The following ITPKB variants were observed in gnomAD, a reference collection of about 807,000 sequenced individuals.
ITPKB encodes the protein inositol-trisphosphate 3-kinase B, also known as IP3 3-kinase B.
ITPKB carries 13 observed loss-of-function variants against 69.4 expected under a neutral mutation model. The observed-to-expected ratio is 0.19, with a 90% confidence interval of 0.12 to 0.30. The LOEUF (loss-of-function observed/expected upper bound fraction) is 0.30, where lower values mean the gene tolerates loss of function less well. Ranked by LOEUF, ITPKB falls within the 10% of genes least tolerant of loss-of-function variation. The probability of loss-of-function intolerance (pLI) is 1.00; values close to 1 mark genes in which losing one functional copy is unlikely to be tolerated. For synonymous variants in ITPKB, 584 were observed against 513.7 expected, an observed-to-expected ratio of 1.14 and a Z score of -1.85; for missense variants, 1,240 against 1,250.5, an observed-to-expected ratio of 0.99 and a Z score of 0.13.
intron 2 of ITPKB, among the ~76,000 whole-genome samples, chr1:226,667,725 G>T (rs1468568204): frequency 6.6e-6 from 1 of 152,142 alleles, no homozygotes; most frequent in Non-Finnish European, 1.5e-5. Flanking sequence ...GAATTCAGAA[G>T]AGGAAGCTAT....
chr1:226,719,828 G>A (rs116002517), intron 2 of ITPKB, among the ~76,000 whole-genome samples: 1 of 152,324 alleles, frequency 6.6e-6, no homozygotes, highest in African/African-American at 2.4e-5. Context: ...TCCATGCTCT[G>A]TATCTGCTGA....
At chr1:226,648,381 G>A (rs1034510868) in intron 3 of ITPKB, among the ~76,000 whole-genome samples, 13 of 152,198 alleles carry the variant, frequency 8.5e-5, no homozygotes, top group African/African-American at 3.1e-4. Context: ...ACAACGGGAA[G>A]AGAGACAGAA....
chr1:226,726,460 T>C (rs1558098112), intron 2 of ITPKB, among the ~76,000 whole-genome samples: 1 of 152,134 alleles, frequency 6.6e-6, no homozygotes, highest in Non-Finnish European at 1.5e-5. Flanking sequence ...AAGGATCGCT[T>C]GAGCTCAGGA....
At chr1:226,720,929 C>G (rs1657221865) in intron 2 of ITPKB, among the ~76,000 whole-genome samples, 2 of 152,008 alleles carry the variant, frequency 1.3e-5, no homozygotes, top group African/African-American at 4.8e-5. Flanking sequence ...GTAATCCCAG[C>G]TACTCAGGAG....
chr1:226,699,995 T>C (rs1656595131), intron 2 of ITPKB, among the ~76,000 whole-genome samples: 1 of 152,180 alleles, frequency 6.6e-6, no homozygotes, highest in Non-Finnish European at 1.5e-5. Context: ...GAGAAAGATG[T>C]AGGCTGGGAG....
intron 6 of ITPKB, among the ~76,000 whole-genome samples, chr1:226,639,072 T>TCC (rs1553316181): frequency 1.5e-5 from 2 of 134,466 alleles, no homozygotes; most frequent in Non-Finnish European, 3.5e-5. Flanking sequence ...TTTTTTTTTT[T>TCC]CCCAGACAGA....
intron 2 of ITPKB, among the ~76,000 whole-genome samples, chr1:226,713,464 C>T (rs1460217793): frequency 6.6e-6 from 1 of 152,222 alleles, no homozygotes; most frequent in Non-Finnish European, 1.5e-5. Flanking sequence ...GGACGGCGTC[C>T]TCCCCACAGG....
intron 4 of ITPKB, among the ~76,000 whole-genome samples, chr1:226,644,467 A>T (rs2102742985): frequency 6.6e-6 from 1 of 152,296 alleles, no homozygotes. Context: ...CAGAGCTCCT[A>T]GGTGCTAGGG....
intron 2 of ITPKB, among the ~76,000 whole-genome samples, chr1:226,733,909 A>T (rs1217116336): frequency 6.6e-6 from 1 of 152,218 alleles, no homozygotes; most frequent in Non-Finnish European, 1.5e-5. Context: ...CAGCCAATAG[A>T]AGTTGCTAAT....
chr1:226,648,114 G>T (rs1034458509), intron 3 of ITPKB, among the ~76,000 whole-genome samples: 32 of 152,048 alleles, frequency 2.1e-4, no homozygotes, highest in African/African-American at 7.0e-4. Flanking sequence ...GGCACTGCCT[G>T]GACTCAGCTC....
chr1:226,648,802 T>TAGAA lies in ITPKB; in HGVS notation c.1933-35_1933-32dup, dbSNP rs1319817547. On this transcript the variant is annotated intron_variant, in intron 2 of 7. Transcript: ENST00000429204. ...AACAAACAAACAAAAAGCTCTACAT[T>TAGAA]AGAAAGACAACCACTAATTTCTGGT... 2.1e-6 allele frequency: 3 copies of TAGAA among 1,396,196 alleles called. No homozygotes were observed. The African/African-American group carries it at 4.2e-5, about 20-fold the overall frequency. The allele number at this position is 1,396,196 out of a possible 1,614,324, so 86.5% of individuals were successfully genotyped here.
chr1:226,702,785 A>G (rs757986897), intron 2 of ITPKB, among the ~76,000 whole-genome samples: 3 of 152,216 alleles, frequency 2.0e-5, no homozygotes, highest in Non-Finnish European at 4.4e-5. Context: ...AGCAGCCAAC[A>G]GATACTGCAT....
chr1:226,670,201 A>T (rs1289872949), intron 2 of ITPKB, among the ~76,000 whole-genome samples: 2 of 150,704 alleles, frequency 1.3e-5, no homozygotes, highest in African/African-American at 2.4e-5. Context: ...AAAAAAAAAA[A>T]AAATTTCAAT....
chr1:226,712,227 CCT>C (rs1397576888), intron 2 of ITPKB, among the ~76,000 whole-genome samples: 1 of 152,210 alleles, frequency 6.6e-6, no homozygotes, highest in Non-Finnish European at 1.5e-5. Flanking sequence ...CGAGGCAACC[CCT>C]CTCTCTGAGT....
At chr1:226,669,397 C>CA (rs201330528) in intron 2 of ITPKB, among the ~76,000 whole-genome samples, 281 of 127,804 alleles carry the variant, frequency 2.2e-3, no homozygotes, top group African/African-American at 2.6e-3. Flanking sequence ...AACTCTGTCT[C>CA]AAAAAAAAAA....
chr1:226,683,086 AG>A (rs1279353896), intron 2 of ITPKB, among the ~76,000 whole-genome samples: 3 of 152,136 alleles, frequency 2.0e-5, no homozygotes, highest in African/African-American at 7.2e-5. Context: ...CAGGCCCTAG[AG>A]GGGCAGCCAG....
At chr1:226,654,593 C>G (rs552326682) in intron 2 of ITPKB, among the ~76,000 whole-genome samples, 1 of 152,254 alleles carries the variant, frequency 6.6e-6, no homozygotes, top group African/African-American at 2.4e-5. Context: ...GGGTGTGGAG[C>G]CTTCCTGGGC....
intron 2 of ITPKB, among the ~76,000 whole-genome samples, chr1:226,724,426 G>A (rs977971889): frequency 6.6e-6 from 1 of 152,128 alleles, no homozygotes; most frequent in Non-Finnish European, 1.5e-5. Flanking sequence ...GGTGGAGGTC[G>A]CAGGTTCGGC....
At chr1:226,701,780 C>T (rs1571864998) in intron 2 of ITPKB, among the ~76,000 whole-genome samples, 1 of 152,204 alleles carries the variant, frequency 6.6e-6, no homozygotes, top group Middle Eastern at 3.4e-3. Flanking sequence ...GAAATGAGTA[C>T]ACACACTTCA....
Sources: gnomAD v4.1 joint callset for allele counts (sites outside exome capture counted in the v4.1 genomes callset) on GRCh38, gnomAD v4.1.1 for gene constraint, MANE v1.5 for transcripts, NCBI Gene and HGNC (gene_info 2026-07-23, HGNC 2026-07-21) for gene names.